The following ROBO2 variants were observed in gnomAD, a reference collection of about 807,000 sequenced individuals.
The protein encoded by ROBO2 is roundabout guidance receptor 2.
In ROBO2, 53 loss-of-function variants were observed where a neutral mutation model predicts 160.8. That is an observed-to-expected ratio of 0.33 (90% CI 0.26 to 0.41). ROBO2 has a LOEUF of 0.41. ROBO2 is among the 10% of genes least tolerant of loss of function. The pLI is 1.00. For missense variants in ROBO2, 1,577 were observed against 1,722.4 expected (o/e 0.92, Z 1.49); for synonymous variants, 664 against 611.7 (o/e 1.09, Z -1.26).
chr3:76,353,223 A>C (rs1430508279), intron 2 of ROBO2, among the ~76,000 whole-genome samples: 1 of 152,020 alleles, frequency 6.6e-6, no homozygotes. Flanking sequence ...AGCCATTTCA[A>C]TAACTAAATT....
At chr3:77,030,962 C>A (rs372084154) in intron 2 of ROBO2, among the ~76,000 whole-genome samples, 1 of 152,050 alleles carries the variant, frequency 6.6e-6, no homozygotes, top group South Asian at 2.1e-4. Context: ...CCTGTATTGC[C>A]CCCATGAATT....
At chr3:76,998,660 A>T (rs1329146242) in intron 2 of ROBO2, among the ~76,000 whole-genome samples, 1 of 152,196 alleles carries the variant, frequency 6.6e-6, no homozygotes, top group Non-Finnish European at 1.5e-5. Context: ...TATACAGGTA[A>T]TTGAGTACAA....
intron 2 of ROBO2, among the ~76,000 whole-genome samples, chr3:76,220,648 C>T (rs147459186): frequency 6.6e-6 from 1 of 152,130 alleles, no homozygotes; most frequent in African/African-American, 2.4e-5. Flanking sequence ...AGCACAGATG[C>T]ACTAAGACAT....
intron 2 of ROBO2, among the ~76,000 whole-genome samples, chr3:76,576,728 A>T (rs1379154973): frequency 9.1e-6 from 1 of 110,008 alleles, no homozygotes; most frequent in East Asian, 2.7e-4. Flanking sequence ...TTTTTGACAG[A>T]GATTGCACCA....
At chr3:77,411,577 A>G (rs2076805870) in intron 2 of ROBO2, among the ~76,000 whole-genome samples, 1 of 152,204 alleles carries the variant, frequency 6.6e-6, no homozygotes, top group African/African-American at 2.4e-5. Flanking sequence ...TTGCTACGGT[A>G]AAGTTACCAA....
chr3:77,311,142 T>G (rs1050464354), intron 2 of ROBO2, among the ~76,000 whole-genome samples: 5 of 152,188 alleles, frequency 3.3e-5, no homozygotes, highest in Admixed American at 2.6e-4. Context: ...CCCAATATAT[T>G]TATTCATTTC....
At chr3:77,191,543 A>G (rs1314020665) in intron 2 of ROBO2, among the ~76,000 whole-genome samples, 5 of 152,174 alleles carry the variant, frequency 3.3e-5, no homozygotes, top group Non-Finnish European at 7.4e-5. Flanking sequence ...CTTGTATTCC[A>G]TTTTATCTAA....
intron 2 of ROBO2, among the ~76,000 whole-genome samples, chr3:77,439,031 G>A (rs2079625376): frequency 6.6e-6 from 1 of 151,840 alleles, no homozygotes; most frequent in Non-Finnish European, 1.5e-5. Flanking sequence ...TAACCATGAT[G>A]GGGGAGAACA....
chr3:76,168,031 A>T (rs991653034), intron 2 of ROBO2, among the ~76,000 whole-genome samples: 12 of 152,186 alleles, frequency 7.9e-5, no homozygotes, highest in African/African-American at 2.9e-4. Flanking sequence ...TGATCCAGTC[A>T]ACCTTGGACT....
At chr3:77,426,304 G>A (rs577531616) in intron 2 of ROBO2, among the ~76,000 whole-genome samples, 15 of 152,216 alleles carry the variant, frequency 9.9e-5, no homozygotes, top group East Asian at 9.7e-4. Flanking sequence ...TTGAACAACA[G>A]GATGGATAAA....
At chr3:77,405,752 A>G (rs2153516272) in intron 2 of ROBO2, among the ~76,000 whole-genome samples, 1 of 152,270 alleles carries the variant, frequency 6.6e-6, no homozygotes, top group African/African-American at 2.4e-5. Flanking sequence ...AGGAAAAACC[A>G]CAAACAATGA....
chr3:77,077,007 G>A (rs534216249), intron 1 of ROBO2, among the ~76,000 whole-genome samples: 1 of 152,130 alleles, frequency 6.6e-6, no homozygotes, highest in African/African-American at 2.4e-5. Context: ...TGATAAATGT[G>A]CTGTCTCCTG....
chr3:77,586,338 C>T (rs1026654110), intron 16 of ROBO2, among the ~76,000 whole-genome samples: 11 of 152,188 alleles, frequency 7.2e-5, no homozygotes, highest in Admixed American at 3.3e-4. Context: ...TGGCTTTTCA[C>T]GCTTACATTA....
intron 2 of ROBO2, among the ~76,000 whole-genome samples, chr3:76,521,045 CTTTTTTTT>C (rs58517740): frequency 1.6e-4 from 16 of 100,094 alleles, no homozygotes; most frequent in African/African-American, 5.0e-4. Context: ...AAAATTGCTT[CTTTTTTTT>C]TTTTTTTTTT....
rs192560591 is a variant in ROBO2, at chr3:77,551,967, C to T, written c.1231+978C>T. On this transcript the variant is annotated intron_variant, in intron 8 of 25. Coordinates refer to ENST00000461745, the Ensembl canonical transcript of ROBO2. ...AATGGGAATAAATAGAACAGACAAA[C>T]ATTGGCTGCAGGGACATTGAGTCGT... 6.2e-4 allele frequency among the ~76,000 whole-genome samples: 95 copies of T among 152,050 alleles called. 1 individual carries two copies. The East Asian group carries it at 0.012, about 19-fold the overall frequency.
rs71104618 is a variant in ROBO2 at position 76,762,445 on chromosome 3, G to GTTT, written c.110-335555_110-335553dup. Reference sequence around the variant, plus strand: ...TCTTCTCCACAATGAGAATCCAGCTGTTTTTTTTTTTTTTTTAACATGAGT... The same window carrying GTTT: ...TCTTCTCCACAATGAGAATCCAGCTGTTTTTTTTTTTTTTTTTTTAACATGAGT... On this transcript the variant is annotated intron_variant, in intron 2 of 26. Coordinates refer to the ROBO2 transcript ENST00000487694. Among the ~76,000 whole-genome samples the GTTT allele has an allele frequency of 3.6e-3, 510 of 140,200 alleles. 7 individuals carry two copies. The highest frequency in any genetic ancestry group is 0.013 in the African/African-American group (484 of 37,706). The allele number at this position is 140,200 out of a possible 152,430, so 92.0% of individuals were successfully genotyped here. A position where few individuals can be genotyped will look rare whatever the true frequency, so the allele number is the denominator to read the frequency against.
intron 2 of ROBO2, among the ~76,000 whole-genome samples, chr3:76,855,856 T>C (rs941880601): frequency 6.6e-6 from 1 of 152,190 alleles, no homozygotes; most frequent in Non-Finnish European, 1.5e-5. Context: ...AATAAGAATA[T>C]TTGGTATGAG....
chr3:77,592,890 A>G (rs545627859), intron 17 of ROBO2, among the ~76,000 whole-genome samples: 27 of 152,116 alleles, frequency 1.8e-4, no homozygotes, highest in Non-Finnish European at 3.5e-4. Context: ...GTGTTCTATT[A>G]TAATACTTTA....
chr3:76,075,792 C>T (rs1161504183), intron 2 of ROBO2, among the ~76,000 whole-genome samples: 1 of 152,162 alleles, frequency 6.6e-6, no homozygotes, highest in African/African-American at 2.4e-5. Context: ...AAATTTGTAT[C>T]CAACATTATA....
Sources: gnomAD v4.1 joint callset for allele counts (sites outside exome capture counted in the v4.1 genomes callset) on GRCh38, gnomAD v4.1.1 for gene constraint, MANE v1.5 for transcripts, NCBI Gene and HGNC (gene_info 2026-07-23, HGNC 2026-07-21) for gene names.